LAMB4: variants seen among roughly 807,000 people sequenced by gnomAD.
LAMB4 encodes the protein laminin subunit beta 4.
In LAMB4, 196 loss-of-function variants were observed where a neutral mutation model predicts 199.2. The ratio of observed to expected loss-of-function variants is 0.98; its 90% CI spans 0.88 to 1.11. The LOEUF is 1.11. LAMB4 is among the 50% of genes least tolerant of loss of function. The pLI is 0.00. For synonymous variants in LAMB4, 744 were observed against 770.6 expected (o/e 0.97, Z 0.57); for missense variants, 2,080 against 2,171.2 (o/e 0.96, Z 0.83).
intron 1 of LAMB4, among the ~76,000 whole-genome samples, chr7:108,129,073 T>A (rs1396882963): frequency 6.6e-6 from 1 of 152,256 alleles, no homozygotes; most frequent in African/African-American, 2.4e-5. Flanking sequence ...ATTTATTTAA[T>A]TTACTGACCA....
chr7:108,022,956 C>T (rs559502632), downstream of LAMB4, among the ~76,000 whole-genome samples: 499 of 152,166 alleles, frequency 3.3e-3, 5 homozygotes, highest in African/African-American at 0.011. Flanking sequence ...GGATTACAAG[C>T]GTGCACCACC....
At chr7:108,029,846 G>A (rs528750056) in intron 32 of LAMB4, among the ~76,000 whole-genome samples, 3 of 152,248 alleles carry the variant, frequency 2.0e-5, no homozygotes, top group East Asian at 3.9e-4. Flanking sequence ...TTGGCCAGGC[G>A]TGGTGGCTCA....
chr7:108,042,779 G>T (rs2035464140), intron 29 of LAMB4, among the ~76,000 whole-genome samples: 1 of 152,082 alleles, frequency 6.6e-6, no homozygotes, highest in African/African-American at 2.4e-5. Flanking sequence ...GGCCACAGGG[G>T]TCTCTCACAC....
intron 33 of LAMB4, among the ~76,000 whole-genome samples, chr7:108,025,331 A>G (rs1037533039): frequency 6.6e-6 from 1 of 151,756 alleles, no homozygotes; most frequent in African/African-American, 2.4e-5. Context: ...TGAAAGAGCT[A>G]ATGTGGAAGG....
intron 5 of LAMB4, 52 bp downstream of exon 5, chr7:108,109,119 T>G: frequency 3.1e-6 from 4 of 1,308,976 alleles, no homozygotes; most frequent in Non-Finnish European, 4.4e-6. Flanking sequence ...AGATAAACAC[T>G]GAGCATTTAG....
At chr7:108,128,664 T>C (rs1230909012) in intron 1 of LAMB4, among the ~76,000 whole-genome samples, 1 of 152,214 alleles carries the variant, frequency 6.6e-6, no homozygotes, top group Middle Eastern at 3.2e-3. Flanking sequence ...ACCTATCCAG[T>C]CATTATAAAA....
At chr7:108,129,641 A>G (rs1451844420) in intron 1 of LAMB4, among the ~76,000 whole-genome samples, 7 of 151,864 alleles carry the variant, frequency 4.6e-5, no homozygotes, top group Non-Finnish European at 5.9e-5. Context: ...ATGCTTAAGC[A>G]GTCCTTCCAT....
chr7:108,026,895 T>TTG (rs1563025926), intron 33 of LAMB4: 1 of 518,022 alleles, frequency 1.9e-6, no homozygotes, highest in Non-Finnish European at 3.9e-6. Flanking sequence ...TTTTTCTATC[T>TTG]TGCTGAGTTC....
chr7:108,128,380 G>A (rs1263875337), intron 1 of LAMB4, among the ~76,000 whole-genome samples: 1 of 152,084 alleles, frequency 6.6e-6, no homozygotes, highest in Admixed American at 6.5e-5. Flanking sequence ...AGAGGCCAGG[G>A]GTGCTGCTAA....
At chr7:108,099,389 C>T (rs1271566693) in intron 10 of LAMB4, among the ~76,000 whole-genome samples, 1 of 152,140 alleles carries the variant, frequency 6.6e-6, no homozygotes, top group Non-Finnish European at 1.5e-5. Context: ...TGAGTTAATT[C>T]CAGAGGGTAG....
At chr7:108,097,576 G>C (rs915298946) in intron 11 of LAMB4, among the ~76,000 whole-genome samples, 11 of 152,292 alleles carry the variant, frequency 7.2e-5, no homozygotes, top group Admixed American at 3.9e-4. Flanking sequence ...ACGAGGTCAG[G>C]AGACAGAGAC....
rs183141064 is a variant in LAMB4, at chr7:108,047,995, G to A, written c.4239C>T (p.Thr1413=). Residue 1413 remains threonine, a synonymous_variant, in exon 28 of 34, where the codon ACC becomes ACT. Transcript: ENST00000388781. The stretch of plus-strand genomic sequence containing the variant: ...CTTTTTGGAGGGCATTCGTTGAGAG[G>A]GTCAGGGAGCCGTGACAGCCGGGAC... ...CRGPGCHGSL[T]LSTNALQKAQ... 1.9e-6 allele frequency: 3 copies of A among 1,613,990 alleles called. No homozygotes were observed. Among genetic ancestry groups the A allele is most frequent in the African/African-American group, 2.7e-5 (2 of 74,914 alleles).
chr7:108,115,824 T>C (rs546350568), intron 3 of LAMB4, among the ~76,000 whole-genome samples, 180 bp downstream of exon 3: 3 of 152,218 alleles, frequency 2.0e-5, no homozygotes, highest in African/African-American at 7.2e-5. Context: ...GATTTCGGTG[T>C]TGGGGGAAAG....
At chr7:108,107,986 G>A (rs568474364) in intron 5 of LAMB4, among the ~76,000 whole-genome samples, 167 bp from the exon 6 acceptor site, 181 of 152,324 alleles carry the variant, frequency 1.2e-3, no homozygotes, top group Non-Finnish European at 2.3e-3. Context: ...TGTCGCCCAG[G>A]CTGGAGTGCA....
In LAMB4 at chr7:108,114,682, C is replaced by T. The variant is rs1311864712; in HGVS notation, c.192+1322G>A. On this transcript the variant is annotated intron_variant, in intron 3 of 33. Transcript: ENST00000388781. Reference sequence around the variant, plus strand: ...ACAAAGCATTTCCCAGAGACTTAAGCAGTTGCTTTAAATGAACAATACATG... The same window carrying T: ...ACAAAGCATTTCCCAGAGACTTAAGTAGTTGCTTTAAATGAACAATACATG... Among the ~76,000 whole-genome samples the T allele has an allele frequency of 2.0e-5, 3 of 152,162 alleles. No individual in the cohort carries two copies. In the East Asian group the frequency reaches 5.8e-4, roughly 29 times the overall value.
the LAMB4 span, among the ~76,000 whole-genome samples, chr7:108,011,725 C>T: frequency 6.6e-6 from 1 of 152,208 alleles, no homozygotes; most frequent in African/African-American, 2.4e-5. Flanking sequence ...GGCCCACTCT[C>T]ATTCTTTAGC....
At position 108,095,285 on chromosome 7, in the gene LAMB4, A is replaced by G. The variant is rs112184211; in HGVS notation, c.1413T>C (p.Asp471=). The change falls in exon 12 of 34, where the codon GAT becomes GAC. Residue 471 remains aspartate, a synonymous_variant. Coordinates refer to ENST00000388781, the MANE Select transcript of LAMB4 (RefSeq NM_007356.3). ...GSLPFLTCDV[D]TGQCLCLSYV... Reference sequence around the variant, plus strand: ...ATGACAGGCACAAGCATTGGCCTGTATCCACATCACAGGTCAAGAATGGCA... The same window carrying G: ...ATGACAGGCACAAGCATTGGCCTGTGTCCACATCACAGGTCAAGAATGGCA... The G allele has an allele frequency of 1.2e-6, 2 of 1,613,964 alleles. No homozygotes were observed. The highest frequency in any genetic ancestry group is 1.7e-6 in the Non-Finnish European group (2 of 1,180,024).
At position 108,058,534 on chromosome 7, in the gene LAMB4, A is replaced by T. The variant is rs144384460; in HGVS notation, c.3283-606T>A. 3.5e-3 allele frequency among the ~76,000 whole-genome samples: 535 copies of T among 152,364 alleles called. 5 individuals are homozygous for T. The highest frequency in any genetic ancestry group is 0.012 in the African/African-American group (495 of 41,578). ...GAGGTTGGAAAATTAACAGGAGAAA[A>T]TATAAAAGCAAATCACTATTGTTGT... On this transcript the variant is annotated intron_variant, in intron 23 of 33. Transcript: ENST00000388781.
At chr7:108,056,039 T>A in intron 24 of LAMB4, 32 bp from the exon 25 acceptor site, 1 of 1,558,696 alleles carries the variant, frequency 6.4e-7, no homozygotes, top group Non-Finnish European at 8.7e-7. Flanking sequence ...GCAGAGAATG[T>A]CACTGGGCCT....
Sources: gnomAD v4.1 joint callset for allele counts (sites outside exome capture counted in the v4.1 genomes callset) on GRCh38, gnomAD v4.1.1 for gene constraint, MANE v1.5 for transcripts, NCBI Gene and HGNC (gene_info 2026-07-23, HGNC 2026-07-21) for gene names.